Variants in ABCA4 observed in about 807,000 individuals in gnomAD.
ABCA4 encodes the protein retinal-specific phospholipid-transporting ATPase ABCA4.
Under a neutral mutation model 263.7 loss-of-function variants are expected in ABCA4, and 196 were observed. That is an observed-to-expected ratio of 0.74 (90% CI 0.66 to 0.84). The LOEUF is 0.84. Among genes scored for constraint, ABCA4 ranks in the 40% least tolerant of loss-of-function variants. The probability of loss-of-function intolerance (pLI) is 0.00; values close to 1 mark genes in which losing one functional copy is unlikely to be tolerated. For missense variants in ABCA4, 2,792 were observed against 2,855.1 expected (o/e 0.98, Z 0.50); for synonymous variants, 1,133 against 1,094.2 (o/e 1.04, Z -0.70).
Position 94,037,235 on chromosome 1 carries a change from T to C in ABCA4, c.3723A>G (p.Arg1241=). The C allele has an allele frequency of 1.9e-6, 3 of 1,614,220 alleles. No homozygotes were observed. The highest frequency in any genetic ancestry group is 2.5e-6 in the Non-Finnish European group (3 of 1,180,036). Reference sequence around the variant, plus strand: ...GCTCTCTGAAAAGGCTGGCATATGCTCTGTGCTTGAAGTTCTTATTTGGAA... The same window carrying C: ...GCTCTCTGAAAAGGCTGGCATATGCCCTGTGCTTGAAGTTCTTATTTGGAA... ...FLLPNKNFKH[R]AYASLFRELE... is the part of the protein sequence containing the mutation. The change falls in exon 25 of 50, where the codon AGA becomes AGG. Residue 1241 remains arginine (R), a synonymous_variant. Coordinates refer to ENST00000370225, the MANE Select transcript of ABCA4 (RefSeq NM_000350.3).
intron 6 of ABCA4, among the ~76,000 whole-genome samples, chr1:94,085,952 C>A (rs1661814986): frequency 1.3e-5 from 2 of 152,136 alleles, no homozygotes; most frequent in African/African-American, 4.8e-5. Context: ...ATGCCTCTTG[C>A]TCACCCCTGC....
chr1:94,043,320 A>G lies in ABCA4; in HGVS notation c.3190+16T>C. On this transcript the variant is annotated intron_variant, in intron 21 of 49. Transcript: ENST00000370225. ...ATTTGCCATCTGTGGCCCTGTCTCC[A>G]TCCAGCTCTGAGCACCTGATAGGTC... 6.2e-7 allele frequency: 1 copy of G among 1,613,930 alleles called. No individual in the cohort carries two copies. Among genetic ancestry groups the G allele is most frequent in the African/African-American group, 1.3e-5 (1 of 74,998 alleles).
chr1:94,050,829 A>G (rs1322861063), intron 17 of ABCA4, among the ~76,000 whole-genome samples: 1 of 152,256 alleles, frequency 6.6e-6, no homozygotes, highest in Non-Finnish European at 1.5e-5. Context: ...ACAAACATCC[A>G]TCTCAGTGCT....
chr1:94,106,953 G>A (rs1162331823), intron 4 of ABCA4, among the ~76,000 whole-genome samples: 1 of 152,148 alleles, frequency 6.6e-6, no homozygotes, highest in African/African-American at 2.4e-5. Context: ...GCATTTGCCT[G>A]ACTCATCTCT....
At chr1:94,095,003 G>T (rs1210488301) in intron 6 of ABCA4, among the ~76,000 whole-genome samples, 1 of 152,214 alleles carries the variant, frequency 6.6e-6, no homozygotes, top group Admixed American at 6.5e-5. Flanking sequence ...AACCAAGAGG[G>T]GCTATTAATA....
chr1:94,108,269 G>A (rs937632968), intron 4 of ABCA4, among the ~76,000 whole-genome samples: 2 of 152,086 alleles, frequency 1.3e-5, no homozygotes, highest in East Asian at 1.9e-4. Flanking sequence ...CTGTAAACTC[G>A]TCTCCCCTGC....
intron 26 of ABCA4, among the ~76,000 whole-genome samples, chr1:94,032,895 A>G (rs541101362): frequency 7.2e-5 from 11 of 152,204 alleles, no homozygotes; most frequent in Non-Finnish European, 1.5e-4. Flanking sequence ...CCTTTTGTGT[A>G]TTATATGAAT....
At chr1:94,047,870 C>T (rs1660730175) in intron 18 of ABCA4, among the ~76,000 whole-genome samples, 1 of 152,194 alleles carries the variant, frequency 6.6e-6, no homozygotes, top group Non-Finnish European at 1.5e-5. Flanking sequence ...CCCATCTATC[C>T]CTGCTTCATT....
rs144615868 is a variant in ABCA4, at chr1:94,084,191, A to G, written c.769-750T>C. On this transcript the variant is annotated intron_variant, in intron 6 of 49. Transcript: ENST00000370225. ...CATGTCCTGTTTGACTTCATGCTTC[A>G]TGTTTCAAAACTGATGGAATCACTG... Among the ~76,000 whole-genome samples the G allele has an allele frequency of 3.0e-4, 46 of 152,326 alleles. No homozygotes were observed. The East Asian group carries it at 7.9e-3, about 26-fold the overall frequency.
chr1:94,001,205 G>A (rs1659167070), intron 45 of ABCA4, 100 bp from the exon 46 acceptor site: 1 of 926,922 alleles, frequency 1.1e-6, no homozygotes, highest in Admixed American at 1.9e-5. Context: ...TGAGCTGACA[G>A]AAGGCGCACA....
Position 94,098,828 on chromosome 1 carries a change from T to A in ABCA4, c.734A>T (p.Tyr245Phe). 3 of 1,614,186 alleles carry A rather than the reference T, an allele frequency of 1.9e-6. No individual in the cohort carries two copies. The highest frequency in any genetic ancestry group is 2.5e-6 in the Non-Finnish European group (3 of 1,180,028). ...GTLQWIEDTL[Y>F]ANVDFFKLFR... ...GAGCTTGAAGAAGTCCACGTTGGCA[T>A]ACAGAGTGTCTTCTATCCACTGTAG... The change falls in exon 6 of 50, where the codon TAT becomes TTT. Residue 245 changes from tyrosine to phenylalanine, a missense_variant. Transcript: ENST00000370225.
chr1:94,016,050 T>C (rs1403060859), intron 36 of ABCA4, among the ~76,000 whole-genome samples, 196 bp from the exon 37 acceptor site: 1 of 152,112 alleles, frequency 6.6e-6, no homozygotes, highest in African/African-American at 2.4e-5. Flanking sequence ...ATGCCCTACC[T>C]CCCTGCCAAG....
At chr1:94,054,361 C>T (rs567460647) in intron 16 of ABCA4, among the ~76,000 whole-genome samples, 10 of 152,208 alleles carry the variant, frequency 6.6e-5, no homozygotes, top group Non-Finnish European at 1.3e-4. Context: ...GAAGAATGTT[C>T]CCCAAAATAA....
At chr1:93,998,228 C>T (rs771407881) in intron 47 of ABCA4, 118 bp from the exon 48 acceptor site, 1 of 1,385,442 alleles carries the variant, frequency 7.2e-7, no homozygotes, top group Non-Finnish European at 1.0e-6. Flanking sequence ...TGGTGGCTCA[C>T]ACCTGAAATC....
chr1:94,010,679 G>A (rs1659519347), intron 40 of ABCA4, 121 bp downstream of exon 40: 1 of 1,438,510 alleles, frequency 7.0e-7, no homozygotes, highest in East Asian at 2.3e-5. Flanking sequence ...GCCAGGCTTT[G>A]AGAATGTAGA....
chr1:94,086,501 C>T (rs911874250), intron 6 of ABCA4, among the ~76,000 whole-genome samples: 6 of 151,452 alleles, frequency 4.0e-5, no homozygotes, highest in African/African-American at 1.5e-4. Context: ...TTCAATTAAT[C>T]GTATTGCCTA....
At chr1:94,110,495 C>T (rs185752559) in intron 3 of ABCA4, among the ~76,000 whole-genome samples, 11 of 152,344 alleles carry the variant, frequency 7.2e-5, no homozygotes, top group Middle Eastern at 3.4e-3. Flanking sequence ...GGTGTTTATA[C>T]AGGTCGGGTA....
chr1:94,096,938 T>C (rs1662137085), intron 6 of ABCA4, among the ~76,000 whole-genome samples: 2 of 152,198 alleles, frequency 1.3e-5, no homozygotes, highest in African/African-American at 4.8e-5. Flanking sequence ...ATGCGGGCCC[T>C]GGACACCTGA....
In ABCA4 at chr1:94,000,807, A is replaced by G. The variant is rs367668271; in HGVS notation, c.6479+29T>C. 137 of 1,606,254 alleles carry G rather than the reference A, an allele frequency of 8.5e-5. No homozygotes were observed. In the African/African-American group the frequency reaches 1.6e-3, roughly 19 times the overall value. ...GATCCAGGTGGATCCACAGAAGGCA[A>G]CAAGGGGCACGCCCCACCATCTGCT... On this transcript the variant is annotated intron_variant, in intron 47 of 49. Transcript: ENST00000370225.
Sources: gnomAD v4.1 joint callset for allele counts (sites outside exome capture counted in the v4.1 genomes callset) on GRCh38, gnomAD v4.1.1 for gene constraint, MANE v1.5 for transcripts, NCBI Gene and HGNC (gene_info 2026-07-23, HGNC 2026-07-21) for gene names.